The following GRIK1 variants were observed in gnomAD, a reference collection of about 807,000 sequenced individuals.
GRIK1 encodes the protein glutamate ionotropic receptor kainate type subunit 1.
Under a neutral mutation model 105.7 loss-of-function variants are expected in GRIK1, and 69 were observed. The ratio of observed to expected loss-of-function variants is 0.65; its 90% CI spans 0.54 to 0.80. The LOEUF (loss-of-function observed/expected upper bound fraction) is 0.80, where lower values mean the gene tolerates loss of function less well. Among genes scored for constraint, GRIK1 ranks in the 30% least tolerant of loss-of-function variants. The pLI, the probability that GRIK1 is intolerant of heterozygous loss-of-function variation, is 0.00. For missense variants in GRIK1, 1,109 were observed against 1,167.3 expected, an observed-to-expected ratio of 0.95 and a Z score of 0.73; for synonymous variants, 438 against 431.3, an observed-to-expected ratio of 1.02 and a Z score of -0.19.
At chr21:29,790,435 C>T (rs1270570012) in intron 1 of GRIK1, among the ~76,000 whole-genome samples, 1 of 151,860 alleles carries the variant, frequency 6.6e-6, no homozygotes, top group African/African-American at 2.4e-5. Flanking sequence ...ATAATGAATG[C>T]CCAGTTTCGT....
chr21:29,634,123 C>T (rs933075598), intron 7 of GRIK1, among the ~76,000 whole-genome samples: 1 of 152,264 alleles, frequency 6.6e-6, no homozygotes, highest in African/African-American at 2.4e-5. Context: ...ACCAACCAAA[C>T]AAACAAAAAC....
intron 1 of GRIK1, among the ~76,000 whole-genome samples, chr21:29,813,001 C>T (rs767922883): frequency 6.6e-6 from 1 of 152,082 alleles, no homozygotes; most frequent in Non-Finnish European, 1.5e-5. Flanking sequence ...ACGTTGCAGC[C>T]TTTTCTGTGC....
chr21:29,676,915 A>G (rs2063279369), intron 3 of GRIK1, among the ~76,000 whole-genome samples: 1 of 152,220 alleles, frequency 6.6e-6, no homozygotes, highest in African/African-American at 2.4e-5. Flanking sequence ...TATTTTGCCA[A>G]TAATAATATT....
At chr21:29,690,436 C>A (rs1392505433) in intron 2 of GRIK1, among the ~76,000 whole-genome samples, 1 of 152,238 alleles carries the variant, frequency 6.6e-6, no homozygotes, top group African/African-American at 2.4e-5. Context: ...TCGGTAACTA[C>A]AAAGTGCTTT....
At chr21:29,622,933 ATAATATCTT>A (rs1448090917) in intron 7 of GRIK1, among the ~76,000 whole-genome samples, 4 of 152,212 alleles carry the variant, frequency 2.6e-5, no homozygotes. Flanking sequence ...GGTAATAATT[ATAATATCTT>A]CAAGACAATG....
chr21:29,550,154 C>T (rs2090110688), intron 16 of GRIK1, among the ~76,000 whole-genome samples: 2 of 131,892 alleles, frequency 1.5e-5, no homozygotes, highest in Admixed American at 7.6e-5. Flanking sequence ...AAAGTAAGTA[C>T]TTGAGATTTC....
In GRIK1 at chr21:29,598,823, A is replaced by C. The variant is rs1401376351; in HGVS notation, c.1206+7T>G. 2 of 1,171,082 alleles carry C rather than the reference A, an allele frequency of 1.7e-6. No homozygotes were observed. Among genetic ancestry groups the C allele is most frequent in the South Asian group, 2.6e-5 (2 of 77,196 alleles). 72.5% of individuals were successfully genotyped at this position (1,171,082 alleles called of 1,614,324 possible). On this transcript the variant is annotated splice_region_variant and intron_variant, in intron 8 of 17. Coordinates refer to ENST00000327783, the MANE Select transcript of GRIK1 (RefSeq NM_001330994.2). Reference sequence around the variant, plus strand: ...TTATTTTATTTATTTATTGTTAAGGAGGTTACCTTTTCAGTTCCTTCCTCT... The same window carrying C: ...TTATTTTATTTATTTATTGTTAAGGCGGTTACCTTTTCAGTTCCTTCCTCT...
intron 1 of GRIK1, among the ~76,000 whole-genome samples, chr21:29,719,074 G>GTATA (rs1467823676): frequency 8.3e-5 from 4 of 48,058 alleles, no homozygotes; most frequent in African/African-American, 1.5e-4. Context: ...GTGTGTGTGT[G>GTATA]TATATACATA....
chr21:29,670,372 T>C lies in GRIK1; in HGVS notation c.726+2611A>G, dbSNP rs536418341. On this transcript the variant is annotated intron_variant, in intron 4 of 17. Transcript: ENST00000327783. ...CCCCGCTGTACCAGCTAGACATTTC[T>C]TGAGAGTGCCATTCTTGGATATTTT... Among the ~76,000 whole-genome samples, 83 of 152,354 alleles carry C rather than the reference T, an allele frequency of 5.4e-4. 1 individual carries two copies. The highest frequency in any genetic ancestry group is 4.0e-4 in the Non-Finnish European group (27 of 68,026).
intron 14 of GRIK1, among the ~76,000 whole-genome samples, chr21:29,566,440 TAAATCTGATTA>T (rs755760617): frequency 7.9e-5 from 12 of 152,338 alleles, no homozygotes; most frequent in East Asian, 3.9e-4. Flanking sequence ...TTTATCTGTT[TAAATCTGATTA>T]TGTGGCTATC....
chr21:29,895,480 G>T (rs1423759034), intron 1 of GRIK1, among the ~76,000 whole-genome samples: 2 of 152,116 alleles, frequency 1.3e-5, no homozygotes, highest in African/African-American at 4.8e-5. Flanking sequence ...TGTACATAAA[G>T]ATTTTTTAAT....
chr21:29,590,333 A>T (rs1286415450), intron 10 of GRIK1, among the ~76,000 whole-genome samples: 1 of 152,198 alleles, frequency 6.6e-6, no homozygotes, highest in Non-Finnish European at 1.5e-5. Flanking sequence ...GTAAGGCAGG[A>T]TGTCTGCAAG....
intron 1 of GRIK1, among the ~76,000 whole-genome samples, chr21:29,815,180 G>C (rs2067122816): frequency 1.3e-5 from 2 of 152,094 alleles, no homozygotes. Context: ...TGTAAAAAGA[G>C]TACATAAGAT....
At chr21:29,631,229 G>A (rs1004318474) in intron 7 of GRIK1, among the ~76,000 whole-genome samples, 1 of 152,166 alleles carries the variant, frequency 6.6e-6, no homozygotes, top group African/African-American at 2.4e-5. Flanking sequence ...GTTACAGATT[G>A]AATAATTGTG....
chr21:29,701,115 C>T (rs552636521), intron 1 of GRIK1, among the ~76,000 whole-genome samples: 2 of 152,322 alleles, frequency 1.3e-5, no homozygotes, highest in Admixed American at 6.5e-5. Context: ...CTGAATAACT[C>T]GCTCATCCAA....
chr21:29,546,355 A>G (rs965742311), intron 16 of GRIK1, among the ~76,000 whole-genome samples: 41 of 152,234 alleles, frequency 2.7e-4, no homozygotes, highest in African/African-American at 9.2e-4. Context: ...TTATTCTGCC[A>G]TTCCGGAGAC....
chr21:29,735,009 G>T (rs1160316452), intron 1 of GRIK1, among the ~76,000 whole-genome samples: 1 of 152,104 alleles, frequency 6.6e-6, no homozygotes, highest in Non-Finnish European at 1.5e-5. Context: ...GCCTATCCAA[G>T]TCAGAGCACA....
chr21:29,696,021 A>T (rs986410524), intron 1 of GRIK1, among the ~76,000 whole-genome samples: 1 of 152,242 alleles, frequency 6.6e-6, no homozygotes, highest in African/African-American at 2.4e-5. Context: ...AATTCAAAGA[A>T]ATTACCCTGA....
At chr21:29,919,597 A>G (rs935274720) in intron 1 of GRIK1, among the ~76,000 whole-genome samples, 1 of 152,176 alleles carries the variant, frequency 6.6e-6, no homozygotes, top group Non-Finnish European at 1.5e-5. Context: ...GAGCAAAGGT[A>G]GCACTCCCTA....
Sources: allele counts gnomAD v4.1 joint callset (sites outside exome capture counted in the v4.1 genomes callset), GRCh38; gene constraint gnomAD v4.1.1; transcripts MANE v1.5; gene names NCBI Gene and HGNC (gene_info 2026-07-23, HGNC 2026-07-21).